Variants in ADAM2 observed in about 807,000 individuals in gnomAD.
The protein encoded by ADAM2 is ADAM metallopeptidase domain 2.
In ADAM2, 101 loss-of-function variants were observed where a neutral mutation model predicts 99.3. That is an observed-to-expected ratio of 1.02 (90% CI 0.87 to 1.20). The LOEUF is 1.20. Ranked by LOEUF, ADAM2 falls within the 50% of genes most tolerant of loss-of-function variation. ADAM2 has a pLI of 0.00. For synonymous variants in ADAM2, 323 were observed against 287.6 expected (o/e 1.12, Z -1.25); for missense variants, 948 against 878.7 (o/e 1.08, Z -1.00).
chr8:39,786,779 A>G (rs2129585256), intron 10 of ADAM2, among the ~76,000 whole-genome samples, 195 bp downstream of exon 10: 1 of 152,248 alleles, frequency 6.6e-6, no homozygotes, highest in Non-Finnish European at 1.5e-5. Context: ...TCTTGAACTC[A>G]TGATAGGAAA....
chr8:39,784,731 G>A (rs992132204), intron 10 of ADAM2, among the ~76,000 whole-genome samples: 5 of 152,116 alleles, frequency 3.3e-5, no homozygotes, highest in African/African-American at 1.2e-4. Context: ...CAGCATTTGA[G>A]ACCAGATAAA....
intron 11 of ADAM2, among the ~76,000 whole-genome samples, chr8:39,774,969 A>G (rs773824256): frequency 1.3e-5 from 2 of 152,116 alleles, no homozygotes; most frequent in Non-Finnish European, 2.9e-5. Flanking sequence ...TGGTGATTCT[A>G]GGAAGCAGGA....
intron 7 of ADAM2, among the ~76,000 whole-genome samples, chr8:39,790,670 A>C (rs376893787): frequency 6.6e-6 from 1 of 152,024 alleles, no homozygotes; most frequent in Admixed American, 6.6e-5. Flanking sequence ...TACATTTCAC[A>C]TAGTTTAACA....
At chr8:39,813,920 A>AAAAT (rs903707569) in intron 6 of ADAM2, among the ~76,000 whole-genome samples, 2 of 151,922 alleles carry the variant, frequency 1.3e-5, no homozygotes, top group Non-Finnish European at 2.9e-5. Context: ...AGTATAATAA[A>AAAAT]AAATAAATAA....
intron 16 of ADAM2, among the ~76,000 whole-genome samples, chr8:39,750,676 T>C (rs1801895831): frequency 6.6e-6 from 1 of 151,998 alleles, no homozygotes; most frequent in African/African-American, 2.4e-5. Flanking sequence ...ACCAGCTGAG[T>C]TGGAGTAATA....
chr8:39,781,976 C>T (rs1268828436), intron 10 of ADAM2, among the ~76,000 whole-genome samples: 1 of 152,096 alleles, frequency 6.6e-6, no homozygotes, highest in Non-Finnish European at 1.5e-5. Flanking sequence ...GAAAACTAAC[C>T]TTTTAAATAA....
At chr8:39,797,121 C>T (rs1803994247) in intron 7 of ADAM2, among the ~76,000 whole-genome samples, 1 of 152,196 alleles carries the variant, frequency 6.6e-6, no homozygotes, top group Non-Finnish European at 1.5e-5. Flanking sequence ...GAAGTCTTCA[C>T]TCATGCCTAT....
intron 11 of ADAM2, among the ~76,000 whole-genome samples, chr8:39,776,188 A>G (rs1295463401): frequency 6.6e-6 from 1 of 152,060 alleles, no homozygotes; most frequent in African/African-American, 2.4e-5. Context: ...TCATGTATTG[A>G]TGTAGGCCCA....
intron 7 of ADAM2, among the ~76,000 whole-genome samples, chr8:39,798,046 A>G (rs1397899374): frequency 6.6e-6 from 1 of 152,240 alleles, no homozygotes; most frequent in Admixed American, 6.5e-5. Flanking sequence ...CTCTTGCCTG[A>G]TGGCCCTGGC....
Position 39,821,087 on chromosome 8 carries a change from A to G in ADAM2, c.428T>C (p.Val143Ala). The change falls in exon 6 of 21, where the codon GTA becomes GCA. Residue 143 changes from valine (V) to alanine (A), a missense_variant. Physicochemically the swap from Val to Ala is moderately conservative, Grantham distance 64. Transcript: ENST00000265708. ...SVGFEHVIYQ[V>A]KHKKADVSLY... ...GGAAACATCTGCTTTCTTATGTTTT[A>G]CTTGGTAAATTACATGTTCAAAGCC... 6.2e-7 allele frequency: 1 copy of G among 1,608,696 alleles called. No homozygotes were observed. Among genetic ancestry groups the G allele is most frequent in the Non-Finnish European group, 8.5e-7 (1 of 1,175,466 alleles).
At chr8:39,785,483 A>G (rs981333589) in intron 10 of ADAM2, among the ~76,000 whole-genome samples, 2 of 152,222 alleles carry the variant, frequency 1.3e-5, no homozygotes, top group Non-Finnish European at 2.9e-5. Context: ...TTAAAACAGA[A>G]CTACCATTCA....
Position 39,811,940 on chromosome 8 carries a change from A to G in ADAM2, c.514-2474T>C, listed in dbSNP as rs567486005. Among the ~76,000 whole-genome samples the G allele has an allele frequency of 4.1e-4, 62 of 152,326 alleles. 1 individual carries two copies. The highest frequency in any genetic ancestry group is 6.8e-3 in the Middle Eastern group (2 of 294). On this transcript the variant is annotated intron_variant, in intron 6 of 20. Coordinates refer to ENST00000265708, the MANE Select transcript of ADAM2 (RefSeq NM_001464.5). Reference sequence around the variant, plus strand: ...AAGTTCTGGCCAGGGCAATCAGGCAAGAGAAAGAAATAAAGCATATTCAAT... The same window carrying G: ...AAGTTCTGGCCAGGGCAATCAGGCAGGAGAAAGAAATAAAGCATATTCAAT...
intron 16 of ADAM2, among the ~76,000 whole-genome samples, chr8:39,752,021 C>T (rs750506535): frequency 7.9e-5 from 12 of 151,972 alleles, no homozygotes; most frequent in Non-Finnish European, 1.3e-4. Flanking sequence ...TCAGTAGAGA[C>T]GGGGCTTCAC....
Position 39,769,468 on chromosome 8 carries a change from G to A in ADAM2, c.1136C>T (p.Pro379Leu). 1 of 1,613,778 alleles carries A rather than the reference G, an allele frequency of 6.2e-7. No homozygotes were observed. The highest frequency in any genetic ancestry group is 8.5e-7 in the Non-Finnish European group (1 of 1,179,742). ...ACACACTGCTTGCTGTTTGAAAAAA[G>A]GATCTAAGCGAGGCTGATTGTGAAG... ...QCLHNQPRLDPFFKQQAVCGN... is the reference protein window; with the variant it reads ...QCLHNQPRLDLFFKQQAVCGN... Residue 379 changes from proline (P) to leucine (L), a missense_variant, in exon 12 of 21, where the codon CCT becomes CTT. Transcript: ENST00000265708.
At chr8:39,818,663 T>C (rs1401200113) in intron 6 of ADAM2, among the ~76,000 whole-genome samples, 2 of 152,060 alleles carry the variant, frequency 1.3e-5, no homozygotes, top group South Asian at 2.1e-4. Flanking sequence ...GGCATGACCA[T>C]GTACATAAAA....
chr8:39,790,992 A>G (rs1250246481), intron 7 of ADAM2, among the ~76,000 whole-genome samples: 1 of 151,970 alleles, frequency 6.6e-6, no homozygotes, highest in Non-Finnish European at 1.5e-5. Flanking sequence ...AATCCCATGC[A>G]TCTAAACAGT....
chr8:39,823,854 ACTT>A (rs1438527912), intron 4 of ADAM2, among the ~76,000 whole-genome samples: 13 of 152,158 alleles, frequency 8.5e-5, no homozygotes, highest in Admixed American at 2.0e-4. Context: ...CATATCTATT[ACTT>A]CTTCTGTTGA....
In ADAM2 at chr8:39,837,129, T is replaced by A. The variant is rs1221087219; in HGVS notation, c.132+7A>T. The A allele has an allele frequency of 6.3e-7, 1 of 1,581,814 alleles. No homozygotes were observed. The highest frequency in any genetic ancestry group is 1.7e-5 in the Admixed American group (1 of 57,824). On this transcript the variant is annotated splice_region_variant and intron_variant, in intron 2 of 20. Coordinates refer to ENST00000265708, the MANE Select transcript of ADAM2 (RefSeq NM_001464.5). ...TAAATTTGTAAATACTGTTAGTGAT[T>A]CATTACCTGCGATTCAATTCCTTCC...
At chr8:39,810,511 C>A (rs1004355381) in intron 6 of ADAM2, among the ~76,000 whole-genome samples, 2 of 152,118 alleles carry the variant, frequency 1.3e-5, no homozygotes, top group Non-Finnish European at 2.9e-5. Flanking sequence ...GCACTTATTC[C>A]AAAATTGACC....
Sources: gnomAD v4.1 joint callset for allele counts (sites outside exome capture counted in the v4.1 genomes callset) on GRCh38, gnomAD v4.1.1 for gene constraint, MANE v1.5 for transcripts, NCBI Gene and HGNC (gene_info 2026-07-23, HGNC 2026-07-21) for gene names.